The following RAF1 variants were observed in gnomAD, a reference collection of about 807,000 sequenced individuals.
RAF1 encodes the protein Raf-1 proto-oncogene, serine/threonine kinase.
Under a neutral mutation model 81.1 loss-of-function variants are expected in RAF1, and 27 were observed. That is an observed-to-expected ratio of 0.33 (90% CI 0.25 to 0.46). The LOEUF (loss-of-function observed/expected upper bound fraction) is 0.46, where lower values mean the gene tolerates loss of function less well. Among genes scored for constraint, RAF1 ranks in the 20% least tolerant of loss-of-function variants. The pLI is 1.00. For missense variants in RAF1, 598 were observed against 826.0 expected (o/e 0.72, Z 3.38); for synonymous variants, 298 against 294.0 (o/e 1.01, Z -0.14).
chr3:12,651,569 G>T (rs1186331202), intron 1 of RAF1, among the ~76,000 whole-genome samples: 1 of 151,954 alleles, frequency 6.6e-6, no homozygotes. Context: ...GGGAGGCGGG[G>T]GTTGCAGTGA....
intron 3 of RAF1, 67 bp from the exon 4 acceptor site, chr3:12,609,402 G>C: frequency 9.5e-7 from 1 of 1,054,518 alleles, no homozygotes; most frequent in Non-Finnish European, 1.5e-6. Flanking sequence ...AATAACAACA[G>C]CTACCATTTA....
At chr3:12,643,708 C>T (rs2060260097) in intron 1 of RAF1, among the ~76,000 whole-genome samples, 1 of 151,592 alleles carries the variant, frequency 6.6e-6, no homozygotes, top group Admixed American at 6.6e-5. Flanking sequence ...TGCACTCCAG[C>T]CTGGGCAACA....
chr3:12,587,837 C>CATTTTTTT (rs1452419085), intron 13 of RAF1, 200 bp from the exon 13 acceptor site: 3 of 194,698 alleles, frequency 1.5e-5, no homozygotes, highest in Non-Finnish European at 2.0e-5. Flanking sequence ...ATGCTTACAC[C>CATTTTTTT]TTTTTTTTTT....
chr3:12,598,009 C>CTTTTTTTTTTTTTT (rs1559417126), intron 11 of RAF1, among the ~76,000 whole-genome samples: 1 of 54,248 alleles, frequency 1.8e-5, no homozygotes. Context: ...ATTTTCTTTT[C>CTTTTTTTTTTTTTT]CTTTTTTTTT....
Position 12,584,847 on chromosome 3 carries a change from C to A in RAF1, c.1863G>T (p.Gln621His), listed in dbSNP as rs776333930. The change falls in exon 17 of 18, where the codon CAG (glutamine) becomes CAT (histidine). Residue 621 changes from glutamine (Q) to histidine (H), a missense_variant and splice_region_variant. Physicochemically the swap from Gln to His is conservative, Grantham distance 24. Transcript: ENST00000442415. ...ACATTCTAGCAGCCCTGAGCCTTACCTGGGGAAAAAGAGGCCTCTCTTCCT... is the reference window on the plus strand; with the variant it reads ...ACATTCTAGCAGCCCTGAGCCTTACATGGGGAAAAAGAGGCCTCTCTTCCT... 1 of 1,614,026 alleles carries A rather than the reference C, an allele frequency of 6.2e-7. No homozygotes were observed. The highest frequency in any genetic ancestry group is 1.1e-5 in the South Asian group (1 of 91,080).
Position 12,584,224 on chromosome 3 carries a change from G to A in RAF1, c.*290C>T. ...AGCTGGGGCTGGGCCCCTGCTTTTT[G>A]TACTACCATCAACATCCACTTGCGC... On this transcript the variant is annotated 3_prime_UTR_variant, in exon 18 of 18. Coordinates refer to ENST00000442415, the MANE Select transcript of RAF1 (RefSeq NM_001354689.3). 1 of 477,988 alleles carries A rather than the reference G, an allele frequency of 2.1e-6. No individual in the cohort carries two copies. Among genetic ancestry groups the A allele is most frequent in the Non-Finnish European group, 3.9e-6 (1 of 259,676 alleles). 29.6% of individuals were successfully genotyped at this position (477,988 alleles called of 1,614,324 possible).
chr3:12,640,733 T>A (rs1304893630), intron 1 of RAF1, among the ~76,000 whole-genome samples: 1 of 42,070 alleles, frequency 2.4e-5, no homozygotes, highest in Non-Finnish European at 3.6e-5. Context: ...GGAGAGGATG[T>A]GGAGAAATAG....
At chr3:12,646,620 G>T (rs961386594) in intron 1 of RAF1, among the ~76,000 whole-genome samples, 1 of 150,584 alleles carries the variant, frequency 6.6e-6, no homozygotes, top group Non-Finnish European at 1.5e-5. Context: ...GCACAATATC[G>T]GCTCATTGCA....
Position 12,600,434 on chromosome 3 carries a change from G to A in RAF1, c.895-19C>T, listed in dbSNP as rs751165589. 10 of 1,613,904 alleles carry A rather than the reference G, an allele frequency of 6.2e-6. No homozygotes were observed. The highest frequency in any genetic ancestry group is 1.3e-5 in the African/African-American group (1 of 74,916). On this transcript the variant is annotated intron_variant, in intron 8 of 17. Coordinates refer to ENST00000442415, the MANE Select transcript of RAF1 (RefSeq NM_001354689.3). ...TTGCATCCTGAAACAGAAAAGGAAA[G>A]CTGGTCAACTCCTACACACAAAAGA...
chr3:12,618,626 T>C lies in RAF1; in HGVS notation c.96A>G (p.Ile32Met). The stretch of plus-strand genomic sequence containing the variant: ...GGCGCTGATAGCCAAACTGCTGAAC[T>C]ATTGTAGGAGAGATGCAGCTGGAGC... Residue 32 changes from isoleucine to methionine, a missense_variant, in exon 2 of 18, where the codon ATA becomes ATG. Coordinates refer to ENST00000442415, the MANE Select transcript of RAF1 (RefSeq NM_001354689.3). 2 of 1,614,230 alleles carry C rather than the reference T, an allele frequency of 1.2e-6. No individual in the cohort carries two copies. Among genetic ancestry groups the C allele is most frequent in the Non-Finnish European group, 1.7e-6 (2 of 1,180,040 alleles).
At chr3:12,638,189 C>A (rs2060084747) in intron 1 of RAF1, among the ~76,000 whole-genome samples, 1 of 152,344 alleles carries the variant, frequency 6.6e-6, no homozygotes, top group South Asian at 2.1e-4. Context: ...ACCCTTATAA[C>A]CCACTGCCTT....
intron 1 of RAF1, among the ~76,000 whole-genome samples, chr3:12,652,340 G>C (rs1559489566): frequency 6.6e-6 from 1 of 151,388 alleles, no homozygotes; most frequent in Non-Finnish European, 1.5e-5. Context: ...GGCCAACACA[G>C]TGAAGCCCCG....
chr3:12,606,329 T>C, intron 5 of RAF1, 30 bp from the exon 6 acceptor site: 5 of 1,517,038 alleles, frequency 3.3e-6, no homozygotes, highest in Non-Finnish European at 4.6e-6. Flanking sequence ...GACTGGTTTT[T>C]AGGCTTGCAG....
At position 12,647,401 on chromosome 3, in the gene RAF1, G is replaced by A. The variant is rs139772624; in HGVS notation, c.-27+16412C>T. Among the ~76,000 whole-genome samples the A allele has an allele frequency of 6.8e-3, 1,034 of 152,014 alleles. 5 individuals carry two copies. Among genetic ancestry groups the A allele is most frequent in the African/African-American group, 0.024 (974 of 41,432 alleles). On this transcript the variant is annotated intron_variant, in intron 1 of 17. Coordinates refer to ENST00000442415, the MANE Select transcript of RAF1 (RefSeq NM_001354689.3). ...AGACTGCTTGAGCCTAGAAGCTTGA[G>A]ACCAGCCTGGACAACATGGAGAAAC...
rs1363096658 is a variant in RAF1 at position 12,591,933 on chromosome 3, T to G, written c.1169-141A>C. On this transcript the variant is annotated intron_variant, in intron 11 of 17. Coordinates refer to ENST00000442415, the MANE Select transcript of RAF1 (RefSeq NM_001354689.3). ...GATACGGCAAATTTCCAATTTTTTT[T>G]TTTTTTTTGAGACAGGGTCTCACTC... The G allele has an allele frequency of 6.7e-6, 5 of 743,204 alleles. No homozygotes were observed. In the East Asian group the frequency reaches 8.1e-5, roughly 12 times the overall value. 46.0% of individuals were successfully genotyped at this position (743,204 alleles called of 1,614,324 possible). A position where few individuals can be genotyped will look rare whatever the true frequency, so the allele number is the denominator to read the frequency against.
intron 10 of RAF1, 48 bp from the exon 10 acceptor site, chr3:12,599,856 C>T: frequency 1.4e-6 from 2 of 1,434,998 alleles, no homozygotes; most frequent in Non-Finnish European, 2.0e-6. Flanking sequence ...TGGTAATAAT[C>T]TTTTGATAAT....
rs373282948 is a variant in RAF1 at position 12,611,725 on chromosome 3, T to C, written c.320+225A>G. Among the ~76,000 whole-genome samples the C allele has an allele frequency of 1.7e-4, 26 of 152,272 alleles. No homozygotes were observed. The South Asian group carries it at 5.2e-3, about 30-fold the overall frequency. On this transcript the variant is annotated intron_variant, in intron 3 of 17. Coordinates refer to ENST00000442415, the MANE Select transcript of RAF1 (RefSeq NM_001354689.3). Reference sequence around the variant, plus strand: ...AAAAAGAAAAAAAAATTACAGGTATTGGTCATCAGGCCCAGCTTAACGTGT... The same window carrying C: ...AAAAAGAAAAAAAAATTACAGGTATCGGTCATCAGGCCCAGCTTAACGTGT...
chr3:12,636,039 A>C (rs560476555), intron 1 of RAF1, among the ~76,000 whole-genome samples: 13 of 151,998 alleles, frequency 8.6e-5, no homozygotes, highest in Admixed American at 7.9e-4. Context: ...CAATCCCAGC[A>C]CTTTGGGAGG....
At chr3:12,661,821 C>T (rs1346433532) in intron 1 of RAF1, among the ~76,000 whole-genome samples, 3 of 151,880 alleles carry the variant, frequency 2.0e-5, no homozygotes, top group Admixed American at 2.0e-4. Context: ...GCAAGAATCC[C>T]CAGGAATATA....
Sources: allele counts gnomAD v4.1 joint callset (sites outside exome capture counted in the v4.1 genomes callset), GRCh38; gene constraint gnomAD v4.1.1; transcripts MANE v1.5; gene names NCBI Gene and HGNC (gene_info 2026-07-23, HGNC 2026-07-21).